The following WDR19 variants were observed in gnomAD, a reference collection of about 807,000 sequenced individuals.
WDR19 encodes the protein WD repeat domain 19.
WDR19 carries 121 observed loss-of-function variants against 180.0 expected under a neutral mutation model. The ratio of observed to expected loss-of-function variants is 0.67; its 90% confidence interval spans 0.58 to 0.78. WDR19 has a LOEUF of 0.78. WDR19 is among the 30% of genes least tolerant of loss of function. The pLI is 0.00. For missense variants in WDR19, 1,450 were observed against 1,640.7 expected, an observed-to-expected ratio of 0.88 and a Z score of 2.01; for synonymous variants, 497 against 540.7, an observed-to-expected ratio of 0.92 and a Z score of 1.12.
chr4:39,229,058 G>T (rs1016737990), intron 17 of WDR19, among the ~76,000 whole-genome samples: 3 of 152,102 alleles, frequency 2.0e-5, no homozygotes, highest in South Asian at 2.1e-4. Context: ...TGCAGTTTTT[G>T]ACTTTGGGGC....
In WDR19 at chr4:39,255,958, C is replaced by T. The variant is rs748174246; in HGVS notation, c.3112C>T (p.Arg1038Ter). 7.9e-6 allele frequency: 12 copies of T among 1,519,910 alleles called. No individual in the cohort carries two copies. Among genetic ancestry groups the T allele is most frequent in the South Asian group, 4.7e-5 (4 of 85,776 alleles). The allele number at this position is 1,519,910 out of a possible 1,614,324, so 94.2% of individuals were successfully genotyped here. Residue 1038 changes from arginine to a stop codon, truncating the protein, a stop_gained and splice_region_variant, in exon 27 of 37, where the codon CGA (arginine) becomes TGA (stop). Coordinates refer to ENST00000399820, the MANE Select transcript of WDR19 (RefSeq NM_025132.4). LOFTEE classifies it high-confidence loss of function. Reference sequence around the variant, plus strand: ...CTTCTTGCTGTGTGGCCAATATTCACGAGTTAGTATTTGCCAAGAAAATAT... The same window carrying T: ...CTTCTTGCTGTGTGGCCAATATTCATGAGTTAGTATTTGCCAAGAAAATAT... ...KFFLLCGQYSRALKHFLKCPS... is the reference protein window; with the variant it reads ...KFFLLCGQYS
chr4:39,277,289 C>A, intron 34 of WDR19, 146 bp downstream of exon 34: 1 of 909,672 alleles, frequency 1.1e-6, no homozygotes, highest in Non-Finnish European at 1.6e-6. Context: ...ATTTCATAGT[C>A]AATACAGTTA....
chr4:39,211,971 GAGAGAGAGAGAGAGAT>G (rs1728581654), intron 9 of WDR19, among the ~76,000 whole-genome samples: 4 of 93,422 alleles, frequency 4.3e-5, no homozygotes, highest in South Asian at 7.9e-4. Context: ...GAGAGAGAGA[GAGAGAGAGAGAGAGAT>G]AGATAGATGT....
chr4:39,211,440 A>C (rs1728493047), intron 9 of WDR19, among the ~76,000 whole-genome samples: 1 of 152,230 alleles, frequency 6.6e-6, no homozygotes, highest in Non-Finnish European at 1.5e-5. Flanking sequence ...GATTTTCTAC[A>C]TAAAAATCTT....
intron 5 of WDR19, 180 bp downstream of exon 5, chr4:39,194,839 G>A (rs1174792395): frequency 3.5e-6 from 2 of 565,852 alleles, no homozygotes; most frequent in Non-Finnish European, 3.1e-6. Context: ...TGCTTACTAA[G>A]AACTTGCCAG....
intron 15 of WDR19, 107 bp from the exon 16 acceptor site, chr4:39,228,103 T>C (rs1730464646): frequency 9.8e-6 from 12 of 1,227,452 alleles, no homozygotes; most frequent in Non-Finnish European, 1.3e-5. Flanking sequence ...AGGTTGAATA[T>C]GACTCAGTAA....
chr4:39,189,905 G>A, intron 4 of WDR19, 124 bp downstream of exon 4: 1 of 1,112,206 alleles, frequency 9.0e-7, no homozygotes, highest in South Asian at 1.9e-5. Flanking sequence ...TCATAGAAAA[G>A]GATTATTTTT....
In WDR19 at chr4:39,199,585, A is replaced by G. The variant is rs1366988875; in HGVS notation, c.514A>G (p.Ile172Val). Residue 172 changes from isoleucine to valine, a missense_variant, in exon 6 of 37, where the codon ATA (isoleucine) becomes GTA (valine). Coordinates refer to ENST00000399820, the MANE Select transcript of WDR19 (RefSeq NM_025132.4). ...ITVSNQEGDT[I>V]RQTQVRSEPS... ...AGTTAGTAATCAGGAAGGTGACACG[A>G]TAAGACAGGTAATACAGTAACGTCT... The G allele has an allele frequency of 1.9e-6, 3 of 1,611,676 alleles. No individual in the cohort carries two copies. Among genetic ancestry groups the G allele is most frequent in the Non-Finnish European group, 2.5e-6 (3 of 1,178,084 alleles).
At chr4:39,266,521 G>A in intron 29 of WDR19, among the ~76,000 whole-genome samples, 1 of 152,166 alleles carries the variant, frequency 6.6e-6, no homozygotes, top group East Asian at 1.9e-4. Flanking sequence ...CCTGCGTTTT[G>A]GAGGATAACG....
chr4:39,220,560 A>ATTTTTTTTTT (rs142037096), intron 14 of WDR19, among the ~76,000 whole-genome samples: 16 of 64,382 alleles, frequency 2.5e-4, no homozygotes, highest in Admixed American at 2.9e-4. Context: ...GACCTCCTTG[A>ATTTTTTTTTT]TTTTTTTTTT....
intron 31 of WDR19, 117 bp from the exon 32 acceptor site, chr4:39,272,862 AC>A: frequency 1.3e-6 from 1 of 799,600 alleles, no homozygotes; most frequent in Non-Finnish European, 1.9e-6. Flanking sequence ...AGGAAAGTCT[AC>A]AAGGATCCCA....
rs538194116 is a variant in WDR19, at chr4:39,272,838, T to C, written c.3484-142T>C. 1.8e-5 allele frequency: 12 copies of C among 649,108 alleles called. No individual in the cohort carries two copies. The South Asian group carries it at 2.6e-4, about 14-fold the overall frequency. 40.2% of individuals were successfully genotyped at this position (649,108 alleles called of 1,614,324 possible). A position where few individuals can be genotyped will look rare whatever the true frequency, so the allele number is the denominator to read the frequency against. Reference sequence around the variant, plus strand: ...GAAGAGAAAAAAGTGGAGGGATCTCTAATGGCATCAGCCAGGAAAGTCTAC... The same window carrying C: ...GAAGAGAAAAAAGTGGAGGGATCTCCAATGGCATCAGCCAGGAAAGTCTAC... On this transcript the variant is annotated intron_variant, in intron 31 of 36. Transcript: ENST00000399820.
intron 24 of WDR19, among the ~76,000 whole-genome samples, chr4:39,248,964 G>T (rs1310144776): frequency 6.6e-6 from 1 of 152,090 alleles, no homozygotes; most frequent in Non-Finnish European, 1.5e-5. Flanking sequence ...AAGTTAACAA[G>T]GATATCCAGG....
At chr4:39,219,457 C>T (rs928761185) in intron 14 of WDR19, among the ~76,000 whole-genome samples, 1 of 152,210 alleles carries the variant, frequency 6.6e-6, no homozygotes, top group Non-Finnish European at 1.5e-5. Context: ...ACACAGGTGG[C>T]ATGATTTGTT....
intron 28 of WDR19, among the ~76,000 whole-genome samples, chr4:39,261,477 G>T (rs991501778): frequency 6.6e-6 from 1 of 152,168 alleles, no homozygotes; most frequent in Non-Finnish European, 1.5e-5. Flanking sequence ...AGAAGAAGAC[G>T]ACTTGCCTTT....
At position 39,285,786 on chromosome 4, in the gene WDR19, CTTTAAAA is replaced by C. The variant is rs1578086164; in HGVS notation, c.*315_*321del. 3 of 152,078 alleles carry C rather than the reference CTTTAAAA, an allele frequency of 2.0e-5. No individual in the cohort carries two copies. The highest frequency in any genetic ancestry group is 4.8e-5 in the African/African-American group (2 of 41,400). 9.4% of individuals were successfully genotyped at this position (152,078 alleles called of 1,614,324 possible). A position where few individuals can be genotyped will look rare whatever the true frequency, so the allele number is the denominator to read the frequency against. ...TTGCTAACTTTTGTATTTTGAAAAACTTTAAAATAAAATTGTTGACTAGATATCTGTG... is the reference window on the plus strand; with the variant it reads ...TTGCTAACTTTTGTATTTTGAAAAACTAAAATTGTTGACTAGATATCTGTG... On this transcript the variant is annotated 3_prime_UTR_variant, in exon 37 of 37. Transcript: ENST00000399820.
At chr4:39,247,235 A>C (rs528538286) in intron 24 of WDR19, among the ~76,000 whole-genome samples, 5 of 152,324 alleles carry the variant, frequency 3.3e-5, no homozygotes, top group African/African-American at 1.2e-4. Flanking sequence ...GCTGATACCC[A>C]GGCAAACAGG....
At chr4:39,182,966 C>T (rs1190738359) in intron 1 of WDR19, among the ~76,000 whole-genome samples, 4 of 152,178 alleles carry the variant, frequency 2.6e-5, no homozygotes, top group African/African-American at 9.7e-5. Context: ...TACCTCATTT[C>T]TTGGGGCTAA....
At chr4:39,217,877 G>T in intron 13 of WDR19, 106 bp from the exon 14 acceptor site, 1 of 1,410,750 alleles carries the variant, frequency 7.1e-7, no homozygotes, top group East Asian at 2.3e-5. Context: ...TCGTAGTCTT[G>T]GGAGCCTGAA....
Sources: gnomAD v4.1 joint callset for allele counts (sites outside exome capture counted in the v4.1 genomes callset) on GRCh38, gnomAD v4.1.1 for gene constraint, MANE v1.5 for transcripts, NCBI Gene and HGNC (gene_info 2026-07-23, HGNC 2026-07-21) for gene names.